Variants in TLK1 observed in about 807,000 individuals in gnomAD.
TLK1 encodes the protein serine/threonine-protein kinase tousled-like 1.
TLK1 carries 24 observed loss-of-function variants against 105.3 expected under a neutral mutation model. The ratio of observed to expected loss-of-function variants is 0.23; its 90% confidence interval spans 0.17 to 0.32. The LOEUF is 0.32. Among genes scored for constraint, TLK1 ranks in the 10% least tolerant of loss-of-function variants. TLK1 has a pLI of 1.00. For missense variants in TLK1, 558 were observed against 910.5 expected, an observed-to-expected ratio of 0.61 and a Z score of 4.98; for synonymous variants, 321 against 310.4, an observed-to-expected ratio of 1.03 and a Z score of -0.36.
At chr2:171,088,044 T>A (rs867808476) in intron 2 of TLK1, among the ~76,000 whole-genome samples, 20 of 152,162 alleles carry the variant, frequency 1.3e-4, no homozygotes, top group Middle Eastern at 6.8e-3. Context: ...GCAAAACCCA[T>A]CCATGGCTGG....
At chr2:171,118,480 A>C (rs550544830) in intron 1 of TLK1, among the ~76,000 whole-genome samples, 1 of 152,304 alleles carries the variant, frequency 6.6e-6, no homozygotes, top group Non-Finnish European at 1.5e-5. Flanking sequence ...GATAGTTTTA[A>C]GTTTCCATCA....
At chr2:171,015,474 C>T (rs1433812926) in intron 12 of TLK1, among the ~76,000 whole-genome samples, 1 of 140,164 alleles carries the variant, frequency 7.1e-6, no homozygotes, top group Admixed American at 7.2e-5. Context: ...ACTGACCACT[C>T]ACTTGCAATC....
At chr2:171,158,500 C>T (rs556131570) in intron 1 of TLK1, among the ~76,000 whole-genome samples, 1 of 152,288 alleles carries the variant, frequency 6.6e-6, no homozygotes, top group Non-Finnish European at 1.5e-5. Flanking sequence ...ATTCCCAATA[C>T]TGATAACAGA....
At chr2:171,198,093 G>T (rs1332278022) in intron 1 of TLK1, among the ~76,000 whole-genome samples, 1 of 152,022 alleles carries the variant, frequency 6.6e-6, no homozygotes, top group Non-Finnish European at 1.5e-5. Flanking sequence ...TAGGGGAGAT[G>T]GTCTTTCTCC....
intron 7 of TLK1, chr2:171,054,533 C>A (rs1317484876): frequency 6.6e-6 from 1 of 152,234 alleles, no homozygotes; most frequent in African/African-American, 2.4e-5. Flanking sequence ...TATGACCTCA[C>A]AAATACAGTC....
chr2:171,055,203 CA>C (rs71399594), intron 6 of TLK1, 31 bp from the exon 7 acceptor site: 62,292 of 507,280 alleles, frequency 0.12, 3 homozygotes, highest in East Asian at 0.21. Flanking sequence ...TTTATATTAG[CA>C]AAAAAAAAAA....
intron 3 of TLK1, chr2:171,066,730 T>A (rs895290547): frequency 9.2e-7 from 1 of 1,091,208 alleles, no homozygotes; most frequent in Non-Finnish European, 1.3e-6. Flanking sequence ...ACTTACGTAG[T>A]CTATTTCCTG....
intron 18 of TLK1, among the ~76,000 whole-genome samples, chr2:171,000,623 T>A (rs1684318225): frequency 6.6e-6 from 1 of 152,040 alleles, no homozygotes; most frequent in African/African-American, 2.4e-5. Context: ...TTGAGTAGAC[T>A]GAGGAGGGGT....
At chr2:171,099,205 T>A (rs1689585039) in intron 2 of TLK1, among the ~76,000 whole-genome samples, 1 of 152,012 alleles carries the variant, frequency 6.6e-6, no homozygotes, top group Non-Finnish European at 1.5e-5. Context: ...CAAATGTATA[T>A]CTATAAAACA....
At chr2:171,016,611 AAATT>A (rs1164393225) in intron 12 of TLK1, among the ~76,000 whole-genome samples, 3 of 152,196 alleles carry the variant, frequency 2.0e-5, no homozygotes, top group African/African-American at 7.2e-5. Flanking sequence ...TTGATATAAA[AAATT>A]ATTTACCTCA....
At chr2:171,124,933 C>G (rs1056556332) in intron 1 of TLK1, among the ~76,000 whole-genome samples, 5 of 152,150 alleles carry the variant, frequency 3.3e-5, no homozygotes, top group Non-Finnish European at 7.3e-5. Context: ...CATCAAGAGC[C>G]GAGAAAAACC....
At chr2:171,113,945 T>C (rs1262692186) in intron 2 of TLK1, among the ~76,000 whole-genome samples, 1 of 152,204 alleles carries the variant, frequency 6.6e-6, no homozygotes, top group Non-Finnish European at 1.5e-5. Flanking sequence ...AAGACTGATA[T>C]TTGAGGACTT....
intron 1 of TLK1, among the ~76,000 whole-genome samples, chr2:171,125,972 G>A (rs1168990749): frequency 6.6e-6 from 1 of 152,054 alleles, no homozygotes; most frequent in Non-Finnish European, 1.5e-5. Flanking sequence ...CTGTCCTCAA[G>A]AGGGAAATTT....
chr2:171,025,140 T>A lies in TLK1; in HGVS notation c.1236+3199A>T, dbSNP rs1054014017. On this transcript the variant is annotated intron_variant, in intron 12 of 20. Coordinates refer to ENST00000431350, the MANE Select transcript of TLK1 (RefSeq NM_012290.5). ...ATTCCTTACTCTATCACACATTGGA[T>A]AATAGAGTAAGGCTATCTTTGGATT... Among the ~76,000 whole-genome samples, 3 of 152,360 alleles carry A rather than the reference T, an allele frequency of 2.0e-5. No individual in the cohort carries two copies. The South Asian group carries it at 6.2e-4, about 32-fold the overall frequency.
At chr2:171,119,357 C>T (rs1690559129) in intron 1 of TLK1, among the ~76,000 whole-genome samples, 3 of 152,158 alleles carry the variant, frequency 2.0e-5, no homozygotes, top group Admixed American at 2.0e-4. Flanking sequence ...ACCTGTTCCC[C>T]CCACCACCTT....
At position 171,066,926 on chromosome 2, in the gene TLK1, T is replaced by C. The variant is rs754157452; in HGVS notation, c.331-5770A>G. ...GGGTGGGGGTTGGGAAGTAACACTT[T>C]CAGATAATTTATTCTGGAAATGTTG... On this transcript the variant is annotated intron_variant, in intron 3 of 20. Transcript: ENST00000431350. The C allele has an allele frequency of 5.5e-5, 85 of 1,546,046 alleles. No homozygotes were observed. In the African/African-American group the frequency reaches 8.0e-4, roughly 15 times the overall value.
intron 4 of TLK1, among the ~76,000 whole-genome samples, chr2:171,060,598 T>C (rs1687706838): frequency 6.6e-6 from 1 of 152,248 alleles, no homozygotes; most frequent in Non-Finnish European, 1.5e-5. Context: ...ATTTTTCTAT[T>C]CATTATAAGA....
In TLK1 at chr2:171,050,122, T is replaced by C; in HGVS notation, c.785A>G (p.Lys262Arg). Residue 262 changes from lysine to arginine, a missense_variant, in exon 9 of 21, where the codon AAA (lysine) becomes AGA (arginine). Lys to Arg is a conservative substitution (Grantham distance 26). Transcript: ENST00000431350. ...QIDEQQKLLE[K>R]YKERLNKCIS... ...GCACTTATTTAATCGTTCTTTGTAT[T>C]TTTCAAGTAATTTTTGTTGTTCATC... 1 of 1,599,128 alleles carries C rather than the reference T, an allele frequency of 6.3e-7. No individual in the cohort carries two copies. Among genetic ancestry groups the C allele is most frequent in the African/African-American group, 1.3e-5 (1 of 74,772 alleles).
chr2:171,162,486 C>T (rs894617281), upstream of TLK1, among the ~76,000 whole-genome samples: 2 of 152,170 alleles, frequency 1.3e-5, no homozygotes, highest in African/African-American at 4.8e-5. Context: ...TGCGGTAAGC[C>T]TAGATCGCAA....
Sources: gnomAD v4.1 joint callset for allele counts (sites outside exome capture counted in the v4.1 genomes callset) on GRCh38, gnomAD v4.1.1 for gene constraint, MANE v1.5 for transcripts, NCBI Gene and HGNC (gene_info 2026-07-23, HGNC 2026-07-21) for gene names.